Variants in APBA1 observed in about 807,000 individuals in gnomAD.
The protein encoded by APBA1 is amyloid-beta A4 precursor protein-binding family A member 1.
Under a neutral mutation model 86.6 loss-of-function variants are expected in APBA1, and 55 were observed. That is an observed-to-expected ratio of 0.64 (90% CI 0.51 to 0.80). The LOEUF (loss-of-function observed/expected upper bound fraction) is 0.80. Ranked by LOEUF, APBA1 falls within the 30% of genes least tolerant of loss-of-function variation. The probability of loss-of-function intolerance (pLI) is 0.00; values close to 1 mark genes in which losing one functional copy is unlikely to be tolerated. For synonymous variants in APBA1, 511 were observed against 493.9 expected (o/e 1.03, Z -0.46); for missense variants, 1,090 against 1,183.0 (o/e 0.92, Z 1.15).
chr9:69,519,588 G>A (rs1159893324), intron 1 of APBA1, among the ~76,000 whole-genome samples: 1 of 152,166 alleles, frequency 6.6e-6, no homozygotes, highest in African/African-American at 2.4e-5. Context: ...CACAGAAAGG[G>A]ATAGCAAACA....
rs79415233 is a variant in APBA1, at chr9:69,455,190, C to T, written c.1788+1057G>A. Among the ~76,000 whole-genome samples, 1,517 of 152,270 alleles carry T rather than the reference C, an allele frequency of 1.0e-2. 22 individuals are homozygous for T. Among genetic ancestry groups the T allele is most frequent in the African/African-American group, 0.034 (1,431 of 41,546 alleles). On this transcript the variant is annotated intron_variant, in intron 8 of 12. Transcript: ENST00000265381. ...CTTTGAAGGAACCAAGGCTATCAGA[C>T]GCCATCTTCTCTTCCCAGATCAGGA...
chr9:69,454,627 T>C (rs1159918273), intron 8 of APBA1, among the ~76,000 whole-genome samples: 1 of 152,130 alleles, frequency 6.6e-6, no homozygotes, highest in Non-Finnish European at 1.5e-5. Context: ...AGGGGTAAGA[T>C]TCTCAGGTCC....
intron 1 of APBA1, among the ~76,000 whole-genome samples, chr9:69,529,607 G>T (rs1241194284): frequency 6.6e-6 from 1 of 151,982 alleles, no homozygotes; most frequent in Non-Finnish European, 1.5e-5. Flanking sequence ...TTTCATTTTG[G>T]CTCCCAATAA....
intron 1 of APBA1, among the ~76,000 whole-genome samples, chr9:69,625,695 A>G (rs1822915295): frequency 6.6e-6 from 1 of 152,152 alleles, no homozygotes; most frequent in Non-Finnish European, 1.5e-5. Context: ...CAAGCTTTTC[A>G]TTTGTTCTTT....
Position 69,603,903 on chromosome 9 carries a change from T to C in APBA1, c.-70+68250A>G, listed in dbSNP as rs548326292. Among the ~76,000 whole-genome samples the C allele has an allele frequency of 4.0e-3, 606 of 152,298 alleles. 5 individuals carry two copies. Among genetic ancestry groups the C allele is most frequent in the African/African-American group, 0.014 (567 of 41,572 alleles). ...CTCTAACAGAGAACGGCCTCTTCAG[T>C]CTGCCCCAGATTCTAGAGTCTAGAG... On this transcript the variant is annotated intron_variant, in intron 1 of 12. Transcript: ENST00000265381.
intron 1 of APBA1, among the ~76,000 whole-genome samples, chr9:69,618,258 C>T (rs1304442840): frequency 3.3e-5 from 5 of 152,212 alleles, no homozygotes; most frequent in Non-Finnish European, 7.3e-5. Context: ...TCTTCTCAGA[C>T]TCTTCATTGG....
At chr9:69,530,491 CACTT>C (rs1252687396) in intron 1 of APBA1, among the ~76,000 whole-genome samples, 1 of 152,058 alleles carries the variant, frequency 6.6e-6, no homozygotes, top group East Asian at 1.9e-4. Flanking sequence ...CTCATGTTCT[CACTT>C]ACATGTGGAA....
intron 1 of APBA1, among the ~76,000 whole-genome samples, chr9:69,518,288 CA>C (rs903571721): frequency 2.0e-5 from 3 of 151,984 alleles, no homozygotes; most frequent in Non-Finnish European, 4.4e-5. Flanking sequence ...AATACTATAC[CA>C]TTTTATAATG....
intron 1 of APBA1, among the ~76,000 whole-genome samples, chr9:69,574,234 G>A (rs543322522): frequency 6.6e-6 from 1 of 152,106 alleles, no homozygotes; most frequent in South Asian, 2.1e-4. Flanking sequence ...CCGCCCTGAC[G>A]AGCAGGCACA....
At chr9:69,513,134 A>G (rs1018303854) in intron 2 of APBA1, among the ~76,000 whole-genome samples, 2 of 152,248 alleles carry the variant, frequency 1.3e-5, no homozygotes, top group African/African-American at 4.8e-5. Flanking sequence ...TTCATAACCC[A>G]GTGATCCATA....
At chr9:69,540,702 G>A (rs1186676311) in intron 1 of APBA1, among the ~76,000 whole-genome samples, 2 of 152,086 alleles carry the variant, frequency 1.3e-5, no homozygotes, top group African/African-American at 4.8e-5. Context: ...TGGCTCAAGC[G>A]GTTCTCCCAC....
chr9:69,481,334 A>T (rs1254978383), intron 2 of APBA1, among the ~76,000 whole-genome samples: 1 of 151,370 alleles, frequency 6.6e-6, no homozygotes, highest in East Asian at 1.9e-4. Context: ...CCAACAACAG[A>T]CAAACAGCCA....
intron 6 of APBA1, among the ~76,000 whole-genome samples, chr9:69,457,939 G>A (rs188867569): frequency 2.0e-5 from 3 of 152,200 alleles, no homozygotes; most frequent in East Asian, 3.9e-4. Flanking sequence ...GCTCCCTGTC[G>A]TTCCTCTGAA....
chr9:69,458,249 A>G, intron 5 of APBA1, 61 bp from the exon 6 acceptor site: 2 of 1,499,542 alleles, frequency 1.3e-6, no homozygotes, highest in Non-Finnish European at 9.1e-7. Context: ...TAGAGACTCA[A>G]AGTCAAAAAG....
chr9:69,621,701 A>AGAG (rs1822821172), intron 1 of APBA1, among the ~76,000 whole-genome samples: 1 of 7,030 alleles, frequency 1.4e-4, no homozygotes, highest in African/African-American at 1.6e-4. Flanking sequence ...GTACTTATTA[A>AGAG]TAGAACAGTT....
At chr9:69,643,878 C>T (rs771331111) in intron 1 of APBA1, among the ~76,000 whole-genome samples, 10 of 152,224 alleles carry the variant, frequency 6.6e-5, no homozygotes, top group Non-Finnish European at 1.2e-4. Flanking sequence ...GTAGTACCCA[C>T]TGTCTCTCAG....
chr9:69,458,256 A>G (rs751491629), intron 5 of APBA1, 68 bp from the exon 6 acceptor site: 6 of 1,469,864 alleles, frequency 4.1e-6, no homozygotes, highest in Non-Finnish European at 5.6e-6. Flanking sequence ...TCAAAGTCAA[A>G]AAGGGAATTG....
At chr9:69,604,468 GCA>G (rs1168317687) in intron 1 of APBA1, among the ~76,000 whole-genome samples, 10 of 144,860 alleles carry the variant, frequency 6.9e-5, no homozygotes, top group African/African-American at 1.0e-4. Context: ...GGGCACACAT[GCA>G]CACACATGAG....
At chr9:69,636,761 C>T (rs895894335) in intron 1 of APBA1, among the ~76,000 whole-genome samples, 1 of 137,336 alleles carries the variant, frequency 7.3e-6, no homozygotes, top group African/African-American at 2.7e-5. Context: ...CACCACTGCA[C>T]CCAAGCCTGG....
Sources: gnomAD v4.1 joint callset for allele counts (sites outside exome capture counted in the v4.1 genomes callset) on GRCh38, gnomAD v4.1.1 for gene constraint, MANE v1.5 for transcripts, NCBI Gene and HGNC (gene_info 2026-07-23, HGNC 2026-07-21) for gene names.